CA10: variants seen among roughly 807,000 people sequenced by gnomAD.
CA10 encodes carbonic anhydrase 10 (inactive).
In CA10, 14 loss-of-function variants were observed where a neutral mutation model predicts 44.2. That is an observed-to-expected ratio of 0.32 (90% CI 0.21 to 0.50). The LOEUF (loss-of-function observed/expected upper bound fraction) is 0.50, where lower values mean the gene tolerates loss of function less well. Among genes scored for constraint, CA10 ranks in the 20% least tolerant of loss-of-function variants. The probability of loss-of-function intolerance (pLI) is 0.99; values close to 1 mark genes in which losing one functional copy is unlikely to be tolerated. For synonymous variants in CA10, 159 were observed against 141.6 expected, an observed-to-expected ratio of 1.12 and a Z score of -0.87; for missense variants, 350 against 409.7, an observed-to-expected ratio of 0.85 and a Z score of 1.26.
chr17:52,113,928 G>A (rs76652571), intron 1 of CA10, among the ~76,000 whole-genome samples: 2 of 152,276 alleles, frequency 1.3e-5, no homozygotes, highest in Non-Finnish European at 2.9e-5. Context: ...AGAACACCAG[G>A]AATGGTGAAG....
intron 1 of CA10, among the ~76,000 whole-genome samples, chr17:52,094,117 C>T (rs901840194): frequency 1.6e-4 from 24 of 151,984 alleles, no homozygotes; most frequent in African/African-American, 5.1e-4. Flanking sequence ...ACACAGGGAG[C>T]GGAACATCAC....
chr17:51,778,137 A>G (rs978744489), intron 3 of CA10, among the ~76,000 whole-genome samples: 10 of 152,168 alleles, frequency 6.6e-5, no homozygotes, highest in Non-Finnish European at 1.2e-4. Flanking sequence ...GGTAAAGGAC[A>G]TAGTCTTCAG....
At chr17:51,760,304 T>C (rs1345354124) in intron 3 of CA10, among the ~76,000 whole-genome samples, 1 of 152,240 alleles carries the variant, frequency 6.6e-6, no homozygotes, top group Non-Finnish European at 1.5e-5. Context: ...TGTATGCAAG[T>C]TAAGTATGTA....
chr17:52,158,324 G>T lies in CA10; in HGVS notation c.-538C>A. 1 of 196,750 alleles carries T rather than the reference G, an allele frequency of 5.1e-6. No individual in the cohort carries two copies. Among genetic ancestry groups the T allele is most frequent in the Non-Finnish European group, 1.0e-5 (1 of 95,564 alleles). 12.2% of individuals were successfully genotyped at this position (196,750 alleles called of 1,614,324 possible). A position where few individuals can be genotyped will look rare whatever the true frequency, so the allele number is the denominator to read the frequency against. ...CCCTCGAAGTCCGCCCCCCTCACCGGGGCATGGTCGGAGGGTGGCTGCTGC... is the reference window on the plus strand; with the variant it reads ...CCCTCGAAGTCCGCCCCCCTCACCGTGGCATGGTCGGAGGGTGGCTGCTGC... On this transcript the variant is annotated 5_prime_UTR_variant, in exon 1 of 9. Transcript: ENST00000451037.
At chr17:51,826,619 CA>C (rs1168183460) in intron 3 of CA10, among the ~76,000 whole-genome samples, 1 of 152,186 alleles carries the variant, frequency 6.6e-6, no homozygotes, top group Non-Finnish European at 1.5e-5. Context: ...CTCCTGCCTC[CA>C]CTCTTTCCCA....
At chr17:52,139,196 G>A (rs1367366530) in intron 1 of CA10, among the ~76,000 whole-genome samples, 1 of 152,186 alleles carries the variant, frequency 6.6e-6, no homozygotes, top group Non-Finnish European at 1.5e-5. Context: ...ATAGAATTCT[G>A]TTTGTGAAGG....
At chr17:51,801,677 C>G (rs1187426989) in intron 3 of CA10, among the ~76,000 whole-genome samples, 1 of 152,148 alleles carries the variant, frequency 6.6e-6, no homozygotes, top group Admixed American at 6.5e-5. Flanking sequence ...CAGTTCTCTT[C>G]CGCTGGCATT....
chr17:51,649,338 T>C, intron 5 of CA10, 84 bp from the exon 6 acceptor site: 6 of 1,010,848 alleles, frequency 5.9e-6, no homozygotes, highest in Non-Finnish European at 7.8e-6. Context: ...TATTCATTCA[T>C]AGTTACTGAG....
intron 3 of CA10, among the ~76,000 whole-genome samples, chr17:51,777,348 A>C (rs983536864): frequency 6.6e-6 from 1 of 152,236 alleles, no homozygotes; most frequent in Non-Finnish European, 1.5e-5. Context: ...TAATAAAAAC[A>C]ACGTATTTCA....
chr17:52,078,099 C>T (rs554662284), intron 1 of CA10, among the ~76,000 whole-genome samples: 2 of 152,324 alleles, frequency 1.3e-5, no homozygotes, highest in South Asian at 4.1e-4. Context: ...GAGTAGATCC[C>T]TATCATTAAC....
intron 1 of CA10, among the ~76,000 whole-genome samples, chr17:52,130,940 G>A (rs971224465): frequency 6.6e-6 from 1 of 152,032 alleles, no homozygotes; most frequent in African/African-American, 2.4e-5. Context: ...ACTATGTATT[G>A]TATACTCGAA....
chr17:51,686,371 G>C (rs1365883187), intron 4 of CA10, among the ~76,000 whole-genome samples: 2 of 152,072 alleles, frequency 1.3e-5, no homozygotes, highest in Non-Finnish European at 2.9e-5. Context: ...CTTGGGCCTT[G>C]GCTTTCTCTT....
At chr17:52,031,296 T>A (rs1986459965) in intron 2 of CA10, among the ~76,000 whole-genome samples, 1 of 151,912 alleles carries the variant, frequency 6.6e-6, no homozygotes, top group African/African-American at 2.4e-5. Flanking sequence ...ACTACAGGCA[T>A]GCACCACCAT....
intron 4 of CA10, among the ~76,000 whole-genome samples, chr17:51,719,873 A>G (rs1272379907): frequency 6.6e-6 from 1 of 152,138 alleles, no homozygotes; most frequent in Non-Finnish European, 1.5e-5. Flanking sequence ...TGGCAGAGCC[A>G]GGGCCTGTCA....
At chr17:52,123,004 A>T (rs140750620) in intron 1 of CA10, among the ~76,000 whole-genome samples, 3 of 152,230 alleles carry the variant, frequency 2.0e-5, no homozygotes, top group African/African-American at 7.2e-5. Flanking sequence ...AATTCTGTCC[A>T]CCATTTAATA....
intron 4 of CA10, among the ~76,000 whole-genome samples, chr17:51,702,666 G>C (rs1248538505): frequency 6.6e-6 from 1 of 152,128 alleles, no homozygotes; most frequent in Non-Finnish European, 1.5e-5. Context: ...GCTATCAAAG[G>C]TTTCTGCCAT....
intron 1 of CA10, among the ~76,000 whole-genome samples, chr17:52,136,591 C>T (rs1989719242): frequency 6.6e-6 from 1 of 152,208 alleles, no homozygotes; most frequent in South Asian, 2.1e-4. Context: ...TGCTCACAGT[C>T]CAGCCAGCTT....
At chr17:52,026,514 C>G (rs1225225339) in intron 2 of CA10, among the ~76,000 whole-genome samples, 1 of 152,052 alleles carries the variant, frequency 6.6e-6, no homozygotes, top group African/African-American at 2.4e-5. Context: ...TCTCATGCTG[C>G]TAACAAAGAC....
At chr17:51,844,560 G>C (rs1978406931) in intron 3 of CA10, among the ~76,000 whole-genome samples, 1 of 152,030 alleles carries the variant, frequency 6.6e-6, no homozygotes, top group East Asian at 1.9e-4. Flanking sequence ...GCGTTTTCTA[G>C]GTATCCATTG....
Sources: gnomAD v4.1 joint callset for allele counts (sites outside exome capture counted in the v4.1 genomes callset) on GRCh38, gnomAD v4.1.1 for gene constraint, MANE v1.5 for transcripts, NCBI Gene and HGNC (gene_info 2026-07-23, HGNC 2026-07-21) for gene names.